Variants in TTC34 observed in about 807,000 individuals in gnomAD.
The protein encoded by TTC34 is tetratricopeptide repeat domain 34.
A neutral mutation model predicts 40.7 loss-of-function variants in TTC34; 44 were observed. The observed-to-expected ratio is 1.08, with a 90% CI of 0.85 to 1.39. The LOEUF (loss-of-function observed/expected upper bound fraction) is 1.39, where lower values mean the gene tolerates loss of function less well. Among genes scored for constraint, TTC34 ranks in the 40% most tolerant of loss-of-function variants. The probability of loss-of-function intolerance (pLI) is 0.00; values close to 1 mark genes in which losing one functional copy is unlikely to be tolerated. For synonymous variants in TTC34, 422 were observed against 398.6 expected (o/e 1.06, Z -0.70); for missense variants, 884 against 838.0 (o/e 1.05, Z -0.68).
chr1:2,753,097 C>T (rs1386062378), intron 6 of TTC34, among the ~76,000 whole-genome samples: 3 of 143,308 alleles, frequency 2.1e-5, no homozygotes, highest in African/African-American at 5.1e-5. Context: ...AACCACACCC[C>T]CAGGCGAGCA....
chr1:2,694,561 G>A (rs547238271), intron 6 of TTC34, among the ~76,000 whole-genome samples: 6 of 107,466 alleles, frequency 5.6e-5, no homozygotes, highest in Non-Finnish European at 9.8e-5. Context: ...CCACAGGTGA[G>A]CATCTGACAG....
At chr1:2,761,971 C>A (rs1303703596) in intron 6 of TTC34, among the ~76,000 whole-genome samples, 2 of 60,530 alleles carry the variant, frequency 3.3e-5, no homozygotes, top group Non-Finnish European at 5.9e-5. Context: ...GCACACACAA[C>A]CTTAGGCGAG....
intron 6 of TTC34, among the ~76,000 whole-genome samples, chr1:2,660,831 T>G (rs796650169): frequency 7.6e-4 from 2 of 2,646 alleles, no homozygotes; most frequent in African/African-American, 1.2e-3. Flanking sequence ...AGCACCCACA[T>G]CCCCAGGTGA....
chr1:2,759,965 C>T (rs1434119847), intron 6 of TTC34, among the ~76,000 whole-genome samples: 131 of 127,266 alleles, frequency 1.0e-3, no homozygotes, highest in South Asian at 1.6e-3. Context: ...CCCACACCAC[C>T]AGGTGAGCAT....
Position 2,796,325 on chromosome 1 carries a change from A to C in TTC34, c.784+3719T>G, listed in dbSNP as rs749336320. Among the ~76,000 whole-genome samples the C allele has an allele frequency of 4.1e-4, 62 of 152,228 alleles. No individual in the cohort carries two copies. Among genetic ancestry groups the C allele is most frequent in the Non-Finnish European group, 7.5e-4 (51 of 68,030 alleles). On this transcript the variant is annotated intron_variant, in intron 2 of 8. Coordinates refer to ENST00000401095, the Ensembl canonical transcript of TTC34. The surrounding 1 kb of genome is among the most constrained non-coding windows in gnomAD (Gnocchi z 4.5). ...AAGGTCATTTGTTGCAGGAAACTGC[A>C]TCTGTAAAAAGTCTGTTATAGGAAA...
intron 6 of TTC34, among the ~76,000 whole-genome samples, chr1:2,692,483 A>G (rs1640667324): frequency 7.3e-6 from 1 of 136,742 alleles, no homozygotes; most frequent in African/African-American, 2.9e-5. Context: ...AGCATCTGAC[A>G]GCCTGGAACA....
intron 6 of TTC34, among the ~76,000 whole-genome samples, chr1:2,688,710 C>T (rs550409488): frequency 8.1e-6 from 1 of 122,968 alleles, no homozygotes; most frequent in Non-Finnish European, 1.6e-5. Context: ...GAGCATCTGA[C>T]AGCCTGGAAC....
At chr1:2,755,519 G>C (rs1641474575) in intron 6 of TTC34, among the ~76,000 whole-genome samples, 1 of 94,478 alleles carries the variant, frequency 1.1e-5, no homozygotes, top group Non-Finnish European at 1.9e-5. Context: ...GTGAGCATCT[G>C]ACAGCCTGGA....
chr1:2,753,099 A>C (rs1382075466), intron 6 of TTC34, among the ~76,000 whole-genome samples: 2 of 128,490 alleles, frequency 1.6e-5, no homozygotes, highest in Admixed American at 7.8e-5. Flanking sequence ...CCACACCCCC[A>C]GGCGAGCATC....
chr1:2,755,192 C>T (rs1401287615), intron 6 of TTC34, among the ~76,000 whole-genome samples: 1 of 57,310 alleles, frequency 1.7e-5, no homozygotes, highest in Non-Finnish European at 2.8e-5. Flanking sequence ...CCCAGGCGAG[C>T]ATCTGACAGC....
chr1:2,695,425 G>A (rs1172026207), intron 6 of TTC34, among the ~76,000 whole-genome samples: 4 of 36,364 alleles, frequency 1.1e-4, no homozygotes, highest in African/African-American at 2.0e-4. Flanking sequence ...CGCATGGAAT[G>A]GCATCCTCAC....
chr1:2,778,876 A>T (rs921283226), intron 6 of TTC34, among the ~76,000 whole-genome samples: 3 of 151,976 alleles, frequency 2.0e-5, no homozygotes, highest in Non-Finnish European at 2.9e-5. Flanking sequence ...CATCTTCCCA[A>T]ACTGAAACTC....
At chr1:2,641,688 G>A in exon 9 of TTC34, 1 of 1,535,508 alleles carries the variant, frequency 6.5e-7, no homozygotes, top group Non-Finnish European at 8.7e-7. Flanking sequence ...GCCCGCCTTG[G>A]GAGGTCACCA....
In TTC34 at chr1:2,755,755, C is replaced by G. The variant is rs1641483219; in HGVS notation, c.2226+27854G>C. Reference sequence around the variant, plus strand: ...AGCAGCACCCACACACCCAGGCGAGCATCTGACAGCCTGGAACGGCACCCA... The same window carrying G: ...AGCAGCACCCACACACCCAGGCGAGGATCTGACAGCCTGGAACGGCACCCA... On this transcript the variant is annotated intron_variant, in intron 6 of 8. Coordinates refer to ENST00000401095, the Ensembl canonical transcript of TTC34. 5.0e-5 allele frequency among the ~76,000 whole-genome samples: 7 copies of G among 141,346 alleles called. 1 individual carries two copies. Among genetic ancestry groups the G allele is most frequent in the Non-Finnish European group, 1.1e-4 (7 of 66,080 alleles). The allele number at this position is 141,346 out of a possible 152,430, so 92.7% of individuals were successfully genotyped here.
At chr1:2,682,917 G>A (rs1182351160) in intron 6 of TTC34, among the ~76,000 whole-genome samples, 7 of 145,800 alleles carry the variant, frequency 4.8e-5, no homozygotes, top group East Asian at 2.0e-4. Context: ...GCACCCCCAG[G>A]TGAGCATCTG....
chr1:2,749,680 T>A (rs1340627105), intron 6 of TTC34, among the ~76,000 whole-genome samples: 1 of 26,766 alleles, frequency 3.7e-5, no homozygotes, highest in Non-Finnish European at 6.8e-5. Flanking sequence ...AGCAGCAACC[T>A]GCACACCCAG....
exon 3 of TTC34, chr1:2,789,526 C>G (rs750517173): frequency 8.7e-5 from 131 of 1,501,918 alleles, no homozygotes; most frequent in Middle Eastern, 1.7e-4. Flanking sequence ...TGGGGCCGCC[C>G]GTCTCTGCGG....
intron 6 of TTC34, among the ~76,000 whole-genome samples, chr1:2,750,789 CTG>C (rs1641294128): frequency 8.3e-6 from 1 of 120,204 alleles, no homozygotes; most frequent in Admixed American, 8.4e-5. Context: ...ATCGGAGAGT[CTG>C]GAGCAGCGCC....
intron 2 of TTC34, among the ~76,000 whole-genome samples, chr1:2,798,491 T>C (rs1166750948): frequency 2.5e-4 from 7 of 27,688 alleles, no homozygotes; most frequent in South Asian, 1.7e-3. Context: ...CTTAGCCCCT[T>C]AGCTCCCCAG....
Sources: allele counts gnomAD v4.1 joint callset (sites outside exome capture counted in the v4.1 genomes callset), GRCh38; gene constraint gnomAD v4.1.1; non-coding constraint Gnocchi (gnomAD v3.1); transcripts MANE v1.5; gene names NCBI Gene and HGNC (gene_info 2026-07-23, HGNC 2026-07-21).